BCL2: variants seen among roughly 807,000 people sequenced by gnomAD.
BCL2 encodes the protein apoptosis regulator Bcl-2.
BCL2 carries 1 observed loss-of-function variant against 14.2 expected under a neutral mutation model. That is an observed-to-expected ratio of 0.07 (90% CI 0.02 to 0.33). BCL2 has a LOEUF of 0.33. BCL2 is among the 10% of genes least tolerant of loss of function. The pLI, the probability that BCL2 is intolerant of heterozygous loss-of-function variation, is 0.99. For missense variants in BCL2, 247 were observed against 305.9 expected, an observed-to-expected ratio of 0.81 and a Z score of 1.44; for synonymous variants, 151 against 137.2, an observed-to-expected ratio of 1.10 and a Z score of -0.70.
intron 2 of BCL2, among the ~76,000 whole-genome samples, chr18:63,138,541 G>A (rs1161316310): frequency 9.9e-5 from 15 of 152,254 alleles, no homozygotes; most frequent in Admixed American, 4.6e-4. Context: ...TGCCTGGGCC[G>A]GAGATGGTGA....
At chr18:63,278,218 A>G (rs1427707588) in intron 2 of BCL2, among the ~76,000 whole-genome samples, 2 of 152,224 alleles carry the variant, frequency 1.3e-5, no homozygotes, top group South Asian at 2.1e-4. Context: ...ATTTTTGTAG[A>G]TCTTGATAAA....
intron 2 of BCL2, among the ~76,000 whole-genome samples, chr18:63,136,143 C>T (rs1275272296): frequency 6.6e-6 from 1 of 152,232 alleles, no homozygotes; most frequent in Admixed American, 6.5e-5. Flanking sequence ...CATCAGGCTT[C>T]TGTCTGGACA....
chr18:63,304,180 C>T (rs1274650949), intron 2 of BCL2, among the ~76,000 whole-genome samples: 3 of 152,124 alleles, frequency 2.0e-5, no homozygotes, highest in Non-Finnish European at 4.4e-5. Flanking sequence ...AAGTTGTTTA[C>T]TTTTCTGACT....
At chr18:63,212,647 C>A (rs772689104) in intron 2 of BCL2, among the ~76,000 whole-genome samples, 1 of 151,984 alleles carries the variant, frequency 6.6e-6, no homozygotes, top group Admixed American at 6.6e-5. Flanking sequence ...GAGATCCAGG[C>A]GGGCGGATCA....
intron 2 of BCL2, among the ~76,000 whole-genome samples, chr18:63,271,296 C>A (rs1189386425): frequency 6.6e-6 from 1 of 152,010 alleles, no homozygotes; most frequent in Non-Finnish European, 1.5e-5. Flanking sequence ...GGAGGAAAAC[C>A]AATTAAAGGG....
chr18:63,241,462 G>T (rs1012453988), intron 2 of BCL2, among the ~76,000 whole-genome samples: 1 of 152,082 alleles, frequency 6.6e-6, no homozygotes, highest in Non-Finnish European at 1.5e-5. Context: ...TGCCATTTAC[G>T]TCATCATGAC....
Position 63,124,318 on chromosome 18 carries a change from A to G in BCL2, c.*4307T>C, listed in dbSNP as rs1013449192. Reference sequence around the variant, plus strand: ...GTCATTAAATATCCTGTTAGTTAAAACTGCACATTTATTGTTTAAATACCC... The same window carrying G: ...GTCATTAAATATCCTGTTAGTTAAAGCTGCACATTTATTGTTTAAATACCC... On this transcript the variant is annotated 3_prime_UTR_variant, in exon 3 of 3. Coordinates refer to ENST00000333681, the MANE Select transcript of BCL2 (RefSeq NM_000633.3). 6 of 229,350 alleles carry G rather than the reference A, an allele frequency of 2.6e-5. No individual in the cohort carries two copies. Among genetic ancestry groups the G allele is most frequent in the African/African-American group, 1.3e-4 (6 of 45,100 alleles). 14.2% of individuals were successfully genotyped at this position (229,350 alleles called of 1,614,324 possible).
chr18:63,225,955 C>G (rs538905065), intron 2 of BCL2, among the ~76,000 whole-genome samples: 2 of 152,176 alleles, frequency 1.3e-5, no homozygotes, highest in Non-Finnish European at 2.9e-5. Flanking sequence ...TGCATTGTGG[C>G]ACCCAAGTTC....
intron 2 of BCL2, among the ~76,000 whole-genome samples, chr18:63,191,408 C>CTA (rs1395575689): frequency 6.6e-6 from 1 of 152,166 alleles, no homozygotes; most frequent in Non-Finnish European, 1.5e-5. Flanking sequence ...ATTTTAGCAA[C>CTA]TATAATAACT....
intron 2 of BCL2, chr18:63,316,225 T>C (rs527835900): frequency 6.6e-6 from 1 of 152,356 alleles, no homozygotes; most frequent in African/African-American, 2.4e-5. Context: ...TGTATCTTAA[T>C]TTCTGTCATA....
At chr18:63,204,168 G>T (rs1178747250) in intron 2 of BCL2, among the ~76,000 whole-genome samples, 1 of 152,184 alleles carries the variant, frequency 6.6e-6, no homozygotes, top group Non-Finnish European at 1.5e-5. Flanking sequence ...ATCTATTGGA[G>T]CATTATCTGC....
At chr18:63,218,795 CTA>C (rs1910298445) in intron 2 of BCL2, among the ~76,000 whole-genome samples, 1 of 69,298 alleles carries the variant, frequency 1.4e-5, no homozygotes, top group African/African-American at 5.2e-5. Flanking sequence ...TCATCCCCAT[CTA>C]CTCATCCCCC....
chr18:63,203,646 A>G (rs191091346), intron 2 of BCL2, among the ~76,000 whole-genome samples: 1 of 152,134 alleles, frequency 6.6e-6, no homozygotes, highest in South Asian at 2.1e-4. Context: ...AAGTTAGGTA[A>G]CTTCTCTAAG....
At chr18:63,212,265 T>G (rs1262122571) in intron 2 of BCL2, among the ~76,000 whole-genome samples, 1 of 151,396 alleles carries the variant, frequency 6.6e-6, no homozygotes, top group African/African-American at 2.4e-5. Flanking sequence ...GAGGCAGAGG[T>G]TGCAGTGAGC....
intron 2 of BCL2, among the ~76,000 whole-genome samples, chr18:63,240,149 G>A (rs116116872): frequency 9.0e-4 from 137 of 152,154 alleles, no homozygotes; most frequent in African/African-American, 3.3e-3. Context: ...CACCACGTTT[G>A]GTTAATTTTT....
intron 2 of BCL2, among the ~76,000 whole-genome samples, chr18:63,223,399 CA>C (rs200044919): frequency 0.042 from 3,483 of 83,814 alleles, 120 homozygotes; most frequent in South Asian, 0.17. Context: ...GACTCCGTTT[CA>C]AAAAAAAAAA....
chr18:63,146,821 C>T (rs1177099073), intron 2 of BCL2, among the ~76,000 whole-genome samples: 1 of 152,004 alleles, frequency 6.6e-6, no homozygotes, highest in Non-Finnish European at 1.5e-5. Flanking sequence ...GATCCCCAGG[C>T]ATAAGTTCAT....
intron 2 of BCL2, among the ~76,000 whole-genome samples, chr18:63,293,456 A>C (rs1912710754): frequency 6.6e-6 from 1 of 152,230 alleles, no homozygotes; most frequent in Non-Finnish European, 1.5e-5. Context: ...AATCACCAAC[A>C]GTTCTCTATG....
chr18:63,160,940 A>G (rs1914905619), intron 2 of BCL2, among the ~76,000 whole-genome samples: 1 of 152,188 alleles, frequency 6.6e-6, no homozygotes, highest in African/African-American at 2.4e-5. Context: ...TTCATTTCTC[A>G]TAAAAGGTTG....
Sources: gnomAD v4.1 joint callset for allele counts (sites outside exome capture counted in the v4.1 genomes callset) on GRCh38, gnomAD v4.1.1 for gene constraint, MANE v1.5 for transcripts, NCBI Gene and HGNC (gene_info 2026-07-23, HGNC 2026-07-21) for gene names.